MUC17: variants seen among roughly 807,000 people sequenced by gnomAD.
The protein encoded by MUC17 is mucin 17, cell surface associated.
In MUC17, 190 loss-of-function variants were observed where a neutral mutation model predicts 170.3. That is an observed-to-expected ratio of 1.12 (90% CI 0.99 to 1.26). The LOEUF (loss-of-function observed/expected upper bound fraction) is 1.26, where lower values mean the gene tolerates loss of function less well. Among genes scored for constraint, MUC17 ranks in the 50% most tolerant of loss-of-function variants. The probability of loss-of-function intolerance (pLI) is 0.00; values close to 1 mark genes in which losing one functional copy is unlikely to be tolerated. For synonymous variants in MUC17, 2,325 were observed against 2,002.5 expected (o/e 1.16, Z -4.30); for missense variants, 6,415 against 5,530.0 (o/e 1.16, Z -5.08).
chr7:101,041,317 C>G lies in MUC17; in HGVS notation c.9901C>G (p.Leu3301Val). ...GGTGGCCAGTTCTGAAACGAGCACCCTTTCAACAACTCCTGCTGACACCAG... is the reference window on the plus strand; with the variant it reads ...GGTGGCCAGTTCTGAAACGAGCACCGTTTCAACAACTCCTGCTGACACCAG... Reference protein sequence around the residue: ...TTVASSETSTLSTTPADTSTP... With the variant: ...TTVASSETSTVSTTPADTSTP... Residue 3301 changes from leucine (L) to valine (V), a missense_variant, in exon 3 of 13, where the codon CTT becomes GTT. Coordinates refer to ENST00000306151, the MANE Select transcript of MUC17 (RefSeq NM_001040105.2). The G allele has an allele frequency of 6.2e-7, 1 of 1,611,196 alleles. No individual in the cohort carries two copies. The highest frequency in any genetic ancestry group is 8.5e-7 in the Non-Finnish European group (1 of 1,178,226).
At chr7:101,043,842 CT>C (rs746645893) in intron 3 of MUC17, 23 bp downstream of exon 3, 9 of 1,568,764 alleles carry the variant, frequency 5.7e-6, no homozygotes, top group East Asian at 4.5e-5. Flanking sequence ...TTGAATTTTC[CT>C]TTTTTTTAAA....
In MUC17 at chr7:101,037,063, G is replaced by C. The variant is rs752997225; in HGVS notation, c.5647G>C (p.Glu1883Gln). Residue 1883 changes from glutamate (E) to glutamine (Q), a missense_variant, in exon 3 of 13, where the codon GAA becomes CAA. Coordinates refer to ENST00000306151, the MANE Select transcript of MUC17 (RefSeq NM_001040105.2). ...CAGCACCACAACAGTGGCCAGTTCT[G>C]AAACCAACACCCTTTCAACAACTCC... ...PVSTTTVASS[E>Q]TNTLSTTPAV... is the part of the protein sequence containing the mutation. 6.3e-6 allele frequency: 10 copies of C among 1,582,148 alleles called. No homozygotes were observed. In the East Asian group the frequency reaches 2.4e-4, roughly 38 times the overall value.
chr7:101,051,341 G>T (rs1794938012), intron 7 of MUC17, among the ~76,000 whole-genome samples: 1 of 142,438 alleles, frequency 7.0e-6, no homozygotes, highest in East Asian at 2.0e-4. Context: ...CTCTAGCCTG[G>T]GTGACAGAGC....
Position 101,057,000 on chromosome 7 carries a change from C to T in MUC17, c.13440+730C>T, listed in dbSNP as rs181562092. ...TTGTCTTGAAAAATGTCTCACACTC[C>T]TGGTTTGTTTCATGGTGTCATCTAA... On this transcript the variant is annotated intron_variant, in intron 12 of 12. Transcript: ENST00000306151. Among the ~76,000 whole-genome samples the T allele has an allele frequency of 4.6e-5, 7 of 152,142 alleles. No individual in the cohort carries two copies. The East Asian group carries it at 1.4e-3, about 29-fold the overall frequency.
chr7:101,042,671 G>A lies in MUC17; in HGVS notation c.11255G>A (p.Ser3752Asn), dbSNP rs752242253. ...TMSVSMPMEI[S>N]TLGTTILVST... ...TCTGTGTCAATGCCCATGGAAATAA[G>A]CACCCTTGGGACCACTATTCTTGTC... Residue 3752 changes from serine (S) to asparagine (N), a missense_variant, in exon 3 of 13, where the codon AGC becomes AAC. Physicochemically the swap from Ser to Asn is conservative, Grantham distance 46. Coordinates refer to ENST00000306151, the MANE Select transcript of MUC17 (RefSeq NM_001040105.2). The A allele has an allele frequency of 5.6e-6, 9 of 1,613,746 alleles. No homozygotes were observed. The South Asian group carries it at 7.7e-5, about 14-fold the overall frequency.
rs777724355 is a variant in MUC17 at position 101,048,896 on chromosome 7, G to T, written c.12587G>T (p.Ser4196Ile). 5.6e-6 allele frequency: 9 copies of T among 1,614,126 alleles called. No individual in the cohort carries two copies. The East Asian group carries it at 1.8e-4, about 32-fold the overall frequency. ...ATGGAACTGACTGTGACAGTGACCA[G>T]TGTGAAGTTCACCGAAGAGCTAAAA... ...AQMELTVTVT[S>I]VKFTEELKNH... is the part of the protein sequence containing the mutation. The change falls in exon 5 of 13, where the codon AGT becomes ATT. Residue 4196 changes from serine to isoleucine, a missense_variant. Transcript: ENST00000306151.
At position 101,043,655 on chromosome 7, in the gene MUC17, C is replaced by T; in HGVS notation, c.12239C>T (p.Ser4080Phe). Reference sequence around the variant, plus strand: ...AGTACACCTCCAACAACCTCTGCCTCCTCCACGACTGTGAACCCTGAGGCT... The same window carrying T: ...AGTACACCTCCAACAACCTCTGCCTTCTCCACGACTGTGAACCCTGAGGCT... ...HSSTPPTTSA[S>F]STTVNPEAVT... Residue 4080 changes from serine (S) to phenylalanine (F), a missense_variant, in exon 3 of 13, where the codon TCC (serine) becomes TTC (phenylalanine). Transcript: ENST00000306151. The T allele has an allele frequency of 1.2e-6, 2 of 1,614,210 alleles. No individual in the cohort carries two copies. Among genetic ancestry groups the T allele is most frequent in the Non-Finnish European group, 1.7e-6 (2 of 1,180,042 alleles).
chr7:101,049,041 G>A, intron 5 of MUC17, 69 bp downstream of exon 5: 1 of 1,605,176 alleles, frequency 6.2e-7, no homozygotes, highest in East Asian at 2.2e-5. Context: ...AGGGTAAGAA[G>A]GTAGCTGGGG....
Position 101,035,624 on chromosome 7 carries a change from T to A in MUC17, c.4208T>A (p.Val1403Asp), listed in dbSNP as rs566757675. ...EGTTPLTSIP[V>D]STTPVVSSEA... ...ACCACTCCGTTAACAAGTATACCTG[T>A]CAGCACCACGCCGGTAGTCAGTTCT... is the stretch of plus-strand genomic sequence containing the variant. The change falls in exon 3 of 13, where the codon GTC becomes GAC. Residue 1403 changes from valine to aspartate, a missense_variant. Coordinates refer to ENST00000306151, the MANE Select transcript of MUC17 (RefSeq NM_001040105.2). The A allele has an allele frequency of 1.5e-5, 24 of 1,613,108 alleles. No homozygotes were observed. The East Asian group carries it at 4.7e-4, about 31-fold the overall frequency.
rs199771828 is a variant in MUC17, at chr7:101,036,371, C to G, written c.4955C>G (p.Ser1652Ter). 1.2e-6 allele frequency: 2 copies of G among 1,604,918 alleles called. No homozygotes were observed. Among genetic ancestry groups the G allele is most frequent in the East Asian group, 2.2e-5 (1 of 44,604 alleles). ...GCCAGTCCTGAGGCTAGCACCCTTT[C>G]AACAACTCCTGTTGACTCCAACAGT... ...PVASPEASTL[S>*]TTPVDSNSPV... Residue 1652 changes from serine to a stop codon, truncating the protein, a stop_gained, in exon 3 of 13, where the codon TCA becomes TGA. Coordinates refer to ENST00000306151, the MANE Select transcript of MUC17 (RefSeq NM_001040105.2). LOFTEE classifies it high-confidence loss of function.
intron 1 of MUC17, among the ~76,000 whole-genome samples, chr7:101,027,665 C>G (rs10242132): frequency 0.18 from 27,457 of 151,958 alleles, 3,131 homozygotes; most frequent in African/African-American, 0.31. Context: ...TGGGGCCATT[C>G]TTTCTTCACA....
At chr7:101,051,093 T>TG (rs1794932788) in intron 7 of MUC17, among the ~76,000 whole-genome samples, 1 of 151,840 alleles carries the variant, frequency 6.6e-6, no homozygotes, top group African/African-American at 2.4e-5. Flanking sequence ...TGGGCAGGCA[T>TG]GGTGGCTCAC....
At chr7:101,056,360 A>C (rs1795045868) in intron 12 of MUC17, 90 bp downstream of exon 12, 4 of 1,549,170 alleles carry the variant, frequency 2.6e-6, no homozygotes, top group African/African-American at 1.4e-5. Context: ...TCAGAAAAAC[A>C]GAACCATGTT....
At chr7:101,054,490 T>C (rs1006057961) in intron 11 of MUC17, among the ~76,000 whole-genome samples, 3 of 152,012 alleles carry the variant, frequency 2.0e-5, no homozygotes, top group Non-Finnish European at 4.4e-5. Context: ...AAGATTAGAA[T>C]GAGGAAAAGT....
At chr7:101,055,277 A>G (rs1339253349) in intron 11 of MUC17, among the ~76,000 whole-genome samples, 1 of 152,144 alleles carries the variant, frequency 6.6e-6, no homozygotes, top group African/African-American at 2.4e-5. Flanking sequence ...CTAGGTATCC[A>G]CTGTCGGTGG....
Position 101,033,339 on chromosome 7 carries a change from G to A in MUC17, c.1923G>A (p.Val641=), listed in dbSNP as rs754303700. The change falls in exon 3 of 13, where the codon GTG becomes GTA. Residue 641 remains valine, a synonymous_variant. Transcript: ENST00000306151. ...GTATGTCTGTCAGCACCACACTGGT[G>A]GCCAGTTCTGAGGCTAGCACCCTTT... ...ITSMSVSTTL[V]ASSEASTLST... 2 of 1,613,784 alleles carry A rather than the reference G, an allele frequency of 1.2e-6. No homozygotes were observed. Among genetic ancestry groups the A allele is most frequent in the South Asian group, 2.2e-5 (2 of 91,040 alleles).
At chr7:101,020,327 T>C in intron 1 of MUC17, 110 bp downstream of exon 1, 8 of 796,856 alleles carry the variant, frequency 1.0e-5, no homozygotes, top group South Asian at 2.2e-5. Flanking sequence ...AATAGGGGTG[T>C]GCCCTCTGCC....
chr7:101,057,632 C>A (rs1795070760), intron 12 of MUC17, among the ~76,000 whole-genome samples: 1 of 152,166 alleles, frequency 6.6e-6, no homozygotes, highest in African/African-American at 2.4e-5. Flanking sequence ...GTAATCCCGG[C>A]ACTTGGGGAG....
At chr7:101,044,252 C>T (rs1794796043) in intron 3 of MUC17, among the ~76,000 whole-genome samples, 1 of 152,110 alleles carries the variant, frequency 6.6e-6, no homozygotes, top group Admixed American at 6.5e-5. Context: ...GCAATCTACC[C>T]ATCTGACAAA....
Sources: allele counts gnomAD v4.1 joint callset (sites outside exome capture counted in the v4.1 genomes callset), GRCh38; gene constraint gnomAD v4.1.1; transcripts MANE v1.5; gene names NCBI Gene and HGNC (gene_info 2026-07-23, HGNC 2026-07-21).